PIK3CB: variants seen among roughly 807,000 people sequenced by gnomAD.
PIK3CB encodes phosphatidylinositol-4,5-bisphosphate 3-kinase catalytic subunit beta.
Under a neutral mutation model 136.8 loss-of-function variants are expected in PIK3CB, and 39 were observed. The observed-to-expected ratio is 0.29, with a 90% CI of 0.22 to 0.37. The LOEUF (loss-of-function observed/expected upper bound fraction) is 0.37, where lower values mean the gene tolerates loss of function less well. Ranked by LOEUF, PIK3CB falls within the 10% of genes least tolerant of loss-of-function variation. The probability of loss-of-function intolerance (pLI) is 1.00; values close to 1 mark genes in which losing one functional copy is unlikely to be tolerated. For missense variants in PIK3CB, 868 were observed against 1,275.4 expected, an observed-to-expected ratio of 0.68 and a Z score of 4.87; for synonymous variants, 428 against 436.6, an observed-to-expected ratio of 0.98 and a Z score of 0.25.
intron 1 of PIK3CB, among the ~76,000 whole-genome samples, chr3:138,797,810 C>A (rs985668475): frequency 2.0e-5 from 3 of 151,926 alleles, no homozygotes; most frequent in African/African-American, 7.3e-5. Context: ...AAATCCAGGG[C>A]CAGGAGTGGA....
chr3:138,709,322 TG>T (rs34939295), intron 10 of PIK3CB, among the ~76,000 whole-genome samples: 249 of 102,538 alleles, frequency 2.4e-3, no homozygotes, highest in Middle Eastern at 0.018. Context: ...AGTCCAGGCA[TG>T]GGGGGAAAAA....
intron 1 of PIK3CB, among the ~76,000 whole-genome samples, chr3:138,809,044 C>T (rs1452976145): frequency 1.3e-5 from 2 of 151,518 alleles, no homozygotes; most frequent in African/African-American, 2.4e-5. Flanking sequence ...TCAGCCGAGG[C>T]GGGTGGATCA....
chr3:138,776,878 A>G (rs2045864892), intron 2 of PIK3CB, among the ~76,000 whole-genome samples: 1 of 142,302 alleles, frequency 7.0e-6, no homozygotes, highest in Non-Finnish European at 1.5e-5. Flanking sequence ...AGCTGAGATC[A>G]TGCTACTGCA....
At chr3:138,780,248 C>T (rs2045908830) in intron 2 of PIK3CB, among the ~76,000 whole-genome samples, 1 of 151,692 alleles carries the variant, frequency 6.6e-6, no homozygotes, top group Non-Finnish European at 1.5e-5. Flanking sequence ...TGTGAGCCCA[C>T]CAGAAAACTA....
At chr3:138,679,116 T>C (rs1485562619) in intron 19 of PIK3CB, among the ~76,000 whole-genome samples, 2 of 151,788 alleles carry the variant, frequency 1.3e-5, no homozygotes, top group East Asian at 1.9e-4. Flanking sequence ...AAGATCAAGA[T>C]AAACAAAAAC....
At chr3:138,712,345 A>T in intron 9 of PIK3CB, 41 bp from the exon 10 acceptor site, 1 of 909,472 alleles carries the variant, frequency 1.1e-6, no homozygotes, top group Non-Finnish European at 1.7e-6. Context: ...GCTAAGAATA[A>T]CTTTAAGGTG....
At chr3:138,779,523 T>C (rs1442467167) in intron 2 of PIK3CB, among the ~76,000 whole-genome samples, 1 of 150,794 alleles carries the variant, frequency 6.6e-6, no homozygotes, top group Non-Finnish European at 1.5e-5. Context: ...TCCCGAGTAG[T>C]TGGGACCACA....
At chr3:138,832,464 G>A (rs190777888) in intron 1 of PIK3CB, among the ~76,000 whole-genome samples, 391 of 152,188 alleles carry the variant, frequency 2.6e-3, no homozygotes, top group Non-Finnish European at 4.9e-3. Context: ...GGCCCAGGCT[G>A]GCGGATCATT....
intron 11 of PIK3CB, 76 bp from the exon 12 acceptor site, chr3:138,704,569 T>A: frequency 1.1e-6 from 1 of 896,074 alleles, no homozygotes; most frequent in Non-Finnish European, 1.9e-6. Context: ...ACTACATTTG[T>A]ACTTAGACTA....
At chr3:138,706,107 T>G (rs1390841157) in intron 11 of PIK3CB, among the ~76,000 whole-genome samples, 2 of 152,208 alleles carry the variant, frequency 1.3e-5, no homozygotes, top group African/African-American at 4.8e-5. Context: ...CACTACCAGG[T>G]GCAGTGGCTC....
At chr3:138,825,336 G>A (rs1052713057) in intron 1 of PIK3CB, 7 of 513,370 alleles carry the variant, frequency 1.4e-5, no homozygotes, top group Non-Finnish European at 2.1e-5. Context: ...CTCCAAAAAT[G>A]GGCAGACCTG....
At chr3:138,714,396 C>T (rs1406375267) in intron 9 of PIK3CB, 72 bp downstream of exon 9, 3 of 1,009,322 alleles carry the variant, frequency 3.0e-6, no homozygotes, top group Non-Finnish European at 4.4e-6. Flanking sequence ...ACTTATATTA[C>T]TCAATTATTT....
chr3:138,705,195 A>AAAAAAAAAAAAAAAAAAAAAAAAG (rs2044351558), intron 11 of PIK3CB, among the ~76,000 whole-genome samples: 1 of 141,170 alleles, frequency 7.1e-6, no homozygotes, highest in Non-Finnish European at 1.5e-5. Flanking sequence ...ACAAACAAAA[A>AAAAAAAAAAAAAAAAAAAAAAAAG]AAAAAACTTA....
chr3:138,787,779 C>T (rs2045998318), intron 2 of PIK3CB, among the ~76,000 whole-genome samples: 1 of 150,492 alleles, frequency 6.6e-6, no homozygotes, highest in Non-Finnish European at 1.5e-5. Context: ...CTGTCCTATC[C>T]TAAAAGATCA....
chr3:138,685,945 T>C (rs2043882457), intron 16 of PIK3CB, among the ~76,000 whole-genome samples: 1 of 152,134 alleles, frequency 6.6e-6, no homozygotes, highest in South Asian at 2.1e-4. Flanking sequence ...AAGACCAGCC[T>C]GGCCAACATG....
chr3:138,687,216 C>A (rs1372378812), intron 16 of PIK3CB, among the ~76,000 whole-genome samples: 7 of 121,030 alleles, frequency 5.8e-5, no homozygotes, highest in Non-Finnish European at 1.1e-4. Flanking sequence ...CTTCCTCTCA[C>A]AATTCATCAA....
At chr3:138,715,267 C>T (rs887850589) in intron 8 of PIK3CB, among the ~76,000 whole-genome samples, 3 of 152,204 alleles carry the variant, frequency 2.0e-5, no homozygotes, top group Non-Finnish European at 4.4e-5. Context: ...CTTTGTTTTT[C>T]CCTAAAGGCC....
At chr3:138,754,805 A>T (rs1037128975) in intron 4 of PIK3CB, among the ~76,000 whole-genome samples, 1 of 152,182 alleles carries the variant, frequency 6.6e-6, no homozygotes, top group African/African-American at 2.4e-5. Flanking sequence ...ATATTATCCT[A>T]TAACAGTGAA....
intron 2 of PIK3CB, among the ~76,000 whole-genome samples, chr3:138,786,419 G>A (rs1198344413): frequency 2.0e-5 from 3 of 151,766 alleles, no homozygotes; most frequent in Non-Finnish European, 2.9e-5. Context: ...ATAATGACGC[G>A]ATCTTGGCTC....
Sources: gnomAD v4.1 joint callset for allele counts (sites outside exome capture counted in the v4.1 genomes callset) on GRCh38, gnomAD v4.1.1 for gene constraint, MANE v1.5 for transcripts, NCBI Gene and HGNC (gene_info 2026-07-23, HGNC 2026-07-21) for gene names.